KDM4C: variants seen among roughly 807,000 people sequenced by gnomAD.
KDM4C encodes the protein lysine-specific demethylase 4C.
In KDM4C, 81 loss-of-function variants were observed where a neutral mutation model predicts 129.3. The observed-to-expected ratio is 0.63, with a 90% confidence interval of 0.52 to 0.75. The LOEUF is 0.75. Among genes scored for constraint, KDM4C ranks in the 30% least tolerant of loss-of-function variants. KDM4C has a pLI of 0.00. For synonymous variants in KDM4C, 573 were observed against 456.1 expected (o/e 1.26, Z -3.26); for missense variants, 1,457 against 1,304.0 (o/e 1.12, Z -1.81).
At chr9:6,916,244 C>T (rs1360716755) in intron 8 of KDM4C, among the ~76,000 whole-genome samples, 1 of 151,678 alleles carries the variant, frequency 6.6e-6, no homozygotes, top group Admixed American at 6.6e-5. Context: ...TTATCCGGAC[C>T]TTTTTTATTC....
intron 17 of KDM4C, among the ~76,000 whole-genome samples, chr9:7,050,965 A>G (rs917911240): frequency 6.6e-6 from 1 of 152,166 alleles, no homozygotes. Flanking sequence ...CTCATGGAAC[A>G]TTTCCTTCCT....
At chr9:6,791,444 A>G (rs1201976774) in intron 1 of KDM4C, among the ~76,000 whole-genome samples, 5 of 152,132 alleles carry the variant, frequency 3.3e-5, no homozygotes, top group Admixed American at 1.3e-4. Flanking sequence ...TTCAGCCTCT[A>G]GACAGTTTGG....
chr9:7,149,629 G>C (rs1484947082), intron 19 of KDM4C, among the ~76,000 whole-genome samples: 1 of 152,260 alleles, frequency 6.6e-6, no homozygotes, highest in Non-Finnish European at 1.5e-5. Context: ...ACTGGAATTT[G>C]TGTTGGGATT....
intron 6 of KDM4C, among the ~76,000 whole-genome samples, chr9:6,885,668 G>A (rs1437597072): frequency 1.3e-5 from 2 of 151,646 alleles, no homozygotes; most frequent in South Asian, 2.1e-4. Context: ...GGAATTGACT[G>A]TGTTTTATAG....
At chr9:6,870,356 A>G (rs1842662507) in intron 5 of KDM4C, among the ~76,000 whole-genome samples, 1 of 152,050 alleles carries the variant, frequency 6.6e-6, no homozygotes, top group Non-Finnish European at 1.5e-5. Flanking sequence ...ACAGTGTTGG[A>G]AAATGGGTTT....
At chr9:7,149,430 C>T (rs114835828) in intron 19 of KDM4C, among the ~76,000 whole-genome samples, 1,832 of 152,332 alleles carry the variant, frequency 0.012, 44 homozygotes, top group African/African-American at 0.04. Flanking sequence ...TCCAGAGCCA[C>T]GGCTGGGCAG....
chr9:6,846,212 A>G (rs17594393), intron 4 of KDM4C, among the ~76,000 whole-genome samples: 15,022 of 152,224 alleles, frequency 0.099, 846 homozygotes, highest in Non-Finnish European at 0.11. Flanking sequence ...ATAAACCTTT[A>G]AAAGGGAAGG....
intron 8 of KDM4C, among the ~76,000 whole-genome samples, chr9:6,895,479 C>G (rs1245614987): frequency 6.6e-6 from 1 of 152,180 alleles, no homozygotes; most frequent in Non-Finnish European, 1.5e-5. Flanking sequence ...CCGCAAAATC[C>G]CACGTGTCAT....
chr9:6,757,587 C>G (rs1818433466), upstream of KDM4C: 1 of 971,814 alleles, frequency 1.0e-6, no homozygotes, highest in Admixed American at 6.2e-5. Flanking sequence ...CTCTCCAGTA[C>G]ATTCCGAGGC....
chr9:7,104,660 A>T (rs745345714), intron 18 of KDM4C, among the ~76,000 whole-genome samples: 1 of 152,202 alleles, frequency 6.6e-6, no homozygotes, highest in Admixed American at 6.5e-5. Flanking sequence ...CCAGTTCACC[A>T]TGATTGTTTC....
intron 15 of KDM4C, among the ~76,000 whole-genome samples, chr9:7,034,008 C>CTTTTT (rs144276405): frequency 7.0e-6 from 1 of 141,928 alleles, no homozygotes. Context: ...AAATCATGTA[C>CTTTTT]TTTTTTTTTT....
intron 8 of KDM4C, among the ~76,000 whole-genome samples, chr9:6,903,337 A>G (rs1365255325): frequency 6.6e-6 from 1 of 152,210 alleles, no homozygotes; most frequent in Non-Finnish European, 1.5e-5. Flanking sequence ...CAGTTTTCAA[A>G]CTTATATAAT....
chr9:7,079,906 G>A (rs1253446258), intron 17 of KDM4C, among the ~76,000 whole-genome samples: 2 of 152,102 alleles, frequency 1.3e-5, no homozygotes, highest in African/African-American at 2.4e-5. Flanking sequence ...GGGGCTGCTG[G>A]TTCTCCTTTC....
chr9:6,879,433 A>C (rs1265474619), intron 5 of KDM4C, among the ~76,000 whole-genome samples: 1 of 152,192 alleles, frequency 6.6e-6, no homozygotes, highest in Admixed American at 6.5e-5. Flanking sequence ...GAAATAAATA[A>C]AACTTTTTTT....
chr9:6,744,843 C>G (rs141254017), intron 1 of KDM4C, among the ~76,000 whole-genome samples: 1,517 of 150,592 alleles, frequency 0.01, 19 homozygotes, highest in Middle Eastern at 0.071. Context: ...CAGAAGGCAC[C>G]AGGGCAAGGT....
chr9:7,050,179 C>A (rs752436370), intron 17 of KDM4C, among the ~76,000 whole-genome samples: 11 of 152,010 alleles, frequency 7.2e-5, no homozygotes, highest in Non-Finnish European at 1.3e-4. Flanking sequence ...TATTTGCCAT[C>A]ATACCTCCAT....
At chr9:6,803,773 G>A (rs1187530071) in intron 2 of KDM4C, among the ~76,000 whole-genome samples, 1 of 150,718 alleles carries the variant, frequency 6.6e-6, no homozygotes, top group Non-Finnish European at 1.5e-5. Flanking sequence ...AAAAAGAAAA[G>A]TTCCAGCAAT....
chr9:7,054,078 A>G (rs1471322707), intron 17 of KDM4C, among the ~76,000 whole-genome samples: 1 of 152,338 alleles, frequency 6.6e-6, no homozygotes, highest in East Asian at 1.9e-4. Flanking sequence ...CCTTGTGGCA[A>G]GTCCTATTAC....
intron 17 of KDM4C, among the ~76,000 whole-genome samples, chr9:7,087,263 T>C (rs1374166264): frequency 6.9e-6 from 1 of 144,732 alleles, no homozygotes; most frequent in East Asian, 2.1e-4. Context: ...ATTTAGTTTT[T>C]AATATGAAGG....
Sources: allele counts gnomAD v4.1 joint callset (sites outside exome capture counted in the v4.1 genomes callset), GRCh38; gene constraint gnomAD v4.1.1; transcripts MANE v1.5; gene names NCBI Gene and HGNC (gene_info 2026-07-23, HGNC 2026-07-21).